The following HNRNPH3 variants were observed in gnomAD, a reference collection of about 807,000 sequenced individuals.
The protein encoded by HNRNPH3 is heterogeneous nuclear ribonucleoprotein 2H9.
A neutral mutation model predicts 47.0 loss-of-function variants in HNRNPH3; 7 were observed. The observed-to-expected ratio is 0.15, with a 90% CI of 0.08 to 0.28. The LOEUF is 0.28. Among genes scored for constraint, HNRNPH3 ranks in the 10% least tolerant of loss-of-function variants. The pLI, the probability that HNRNPH3 is intolerant of heterozygous loss-of-function variation, is 1.00. For synonymous variants in HNRNPH3, 120 were observed against 143.2 expected (o/e 0.84, Z 1.16); for missense variants, 279 against 449.6 (o/e 0.62, Z 3.43).
In HNRNPH3 at chr10:68,341,997, T is replaced by TGGA; in HGVS notation, c.987_989dup (p.Gly330dup). 6.2e-7 allele frequency: 1 copy of TGGA among 1,614,024 alleles called. No homozygotes were observed. Among genetic ancestry groups the TGGA allele is most frequent in the Non-Finnish European group, 8.5e-7 (1 of 1,179,982 alleles). On this transcript the variant is annotated inframe_insertion, in exon 10 of 10. Coordinates refer to ENST00000265866, the MANE Select transcript of HNRNPH3 (RefSeq NM_012207.3). Reference sequence around the variant, plus strand: ...CTTAAGGCCGTGGTGGTGGAGGCAGTGGAGGTTACTATGGGCAAGGCGGCA... The same window carrying TGGA: ...CTTAAGGCCGTGGTGGTGGAGGCAGTGGAGGAGGTTACTATGGGCAAGGCGGCA...
At chr10:68,335,355 G>T (rs1421374447) in intron 1 of HNRNPH3, among the ~76,000 whole-genome samples, 1 of 150,982 alleles carries the variant, frequency 6.6e-6, no homozygotes, top group African/African-American at 2.4e-5. Flanking sequence ...AGTGAGGGTA[G>T]ATCTGTACCA....
intron 4 of HNRNPH3, 71 bp downstream of exon 4, chr10:68,338,758 C>A: frequency 1.6e-6 from 2 of 1,232,568 alleles, no homozygotes; most frequent in Non-Finnish European, 2.2e-6. Flanking sequence ...TCAAGAAATA[C>A]AGAAATGGCA....
chr10:68,338,372 T>TA (rs1354541005), intron 3 of HNRNPH3, 131 bp from the exon 4 acceptor site: 18 of 528,916 alleles, frequency 3.4e-5, no homozygotes, highest in Non-Finnish European at 6.0e-5. Context: ...ACTGTTAACT[T>TA]ACGGTGTATT....
intron 4 of HNRNPH3, 95 bp downstream of exon 4, chr10:68,338,782 C>A: frequency 9.7e-7 from 1 of 1,033,092 alleles, no homozygotes; most frequent in Non-Finnish European, 1.4e-6. Context: ...ATTTCAGTAC[C>A]TATTAGGTTT....
intron 6 of HNRNPH3, among the ~76,000 whole-genome samples, chr10:68,340,057 CAG>C (rs1264347652): frequency 1.3e-5 from 2 of 149,594 alleles, no homozygotes; most frequent in Admixed American, 6.7e-5. Flanking sequence ...TTTTTTGAGA[CAG>C]AGTCTTGCTC....
chr10:68,340,668 T>C (rs2045855147), intron 6 of HNRNPH3, among the ~76,000 whole-genome samples: 1 of 152,226 alleles, frequency 6.6e-6, no homozygotes, highest in African/African-American at 2.4e-5. Context: ...TTAATGATAG[T>C]TTAAAACCTG....
chr10:68,338,793 T>A, intron 4 of HNRNPH3, 106 bp downstream of exon 4: 1 of 881,804 alleles, frequency 1.1e-6, no homozygotes, highest in Middle Eastern at 3.6e-4. Context: ...TATTAGGTTT[T>A]AAAACCTGTT....
At position 68,341,777 on chromosome 10, in the gene HNRNPH3, G is replaced by C; in HGVS notation, c.890G>C (p.Gly297Ala). The change falls in exon 9 of 10, where the codon GGA (glycine) becomes GCA (alanine). Residue 297 changes from glycine (G) to alanine (A), a missense_variant. By Grantham distance (60) the Gly-to-Ala change is moderately conservative (BLOSUM62 0). Around this residue, in one of 2 missense-constraint regions of HNRNPH3, gnomAD observed 239 missense variants for 335.8 expected, o/e 0.71. Coordinates refer to ENST00000265866, the MANE Select transcript of HNRNPH3 (RefSeq NM_012207.3). ...TTTAAAGATAATCAGGGAGGCTATG[G>C]ATCAGTTGGAAGAATGGGAATGGGG... ...RDGMDNQGGYGSVGRMGMGNN... is the reference protein window; with the variant it reads ...RDGMDNQGGYASVGRMGMGNN... 1.2e-6 allele frequency: 2 copies of C among 1,607,930 alleles called. No individual in the cohort carries two copies. The highest frequency in any genetic ancestry group is 1.7e-6 in the Non-Finnish European group (2 of 1,177,626).
In HNRNPH3 at chr10:68,337,480, C is replaced by T. The variant is rs1475983746; in HGVS notation, c.112+147C>T. ...GGTTAATGTATTAAAATAATATGCT[C>T]CAGTTAATATTCAATACAGAATGTG... On this transcript the variant is annotated intron_variant, in intron 2 of 9. Coordinates refer to ENST00000265866, the MANE Select transcript of HNRNPH3 (RefSeq NM_012207.3). This position sits in a 1 kb window ranked among gnomAD's most constrained non-coding sequence, Gnocchi z 4.5. 13 of 593,390 alleles carry T rather than the reference C, an allele frequency of 2.2e-5. No homozygotes were observed. Among genetic ancestry groups the T allele is most frequent in the Non-Finnish European group, 3.6e-5 (12 of 334,454 alleles). The allele number at this position is 593,390 out of a possible 1,614,324, so 36.8% of individuals were successfully genotyped here.
Position 68,337,743 on chromosome 10 carries a change from CTTTTT to C in HNRNPH3, c.113-113_113-109del, listed in dbSNP as rs1213491139. On this transcript the variant is annotated intron_variant, in intron 2 of 9. Transcript: ENST00000265866. This position sits in a 1 kb window ranked among gnomAD's most constrained non-coding sequence, Gnocchi z 4.5. ...TATTATGGGGTGATGGGAAACTAAG[CTTTTT>C]TGTTTTGTTTTGTTTTGTTTAGACT... is the stretch of plus-strand genomic sequence containing the variant. 4 of 458,450 alleles carry C rather than the reference CTTTTT, an allele frequency of 8.7e-6. No homozygotes were observed. The highest frequency in any genetic ancestry group is 6.6e-5 in the African/African-American group (3 of 45,622). 28.4% of individuals were successfully genotyped at this position (458,450 alleles called of 1,614,324 possible).
chr10:68,341,920 T>G (rs983626708), intron 9 of HNRNPH3, 58 bp from the exon 10 acceptor site: 1 of 1,596,606 alleles, frequency 6.3e-7, no homozygotes, highest in Non-Finnish European at 8.6e-7. Flanking sequence ...CAGGTATTAC[T>G]TTTATTATTT....
chr10:68,334,129 G>A (rs567547134), intron 1 of HNRNPH3, among the ~76,000 whole-genome samples: 1 of 152,278 alleles, frequency 6.6e-6, no homozygotes, highest in African/African-American at 2.4e-5. Context: ...TAACATTTTA[G>A]AGACCTTACC....
rs527454265 is a variant in HNRNPH3 at position 68,332,561 on chromosome 10, T to C, written c.-24+345T>C. ...CCGCCCTTCCCCGCTCTTTTTACTT[T>C]TTTGTTCCCCAGCTTCCGAAAACTG... On this transcript the variant is annotated intron_variant, in intron 1 of 9. Transcript: ENST00000265866. 2.6e-4 allele frequency among the ~76,000 whole-genome samples: 40 copies of C among 152,266 alleles called. No homozygotes were observed. In the East Asian group the frequency reaches 7.7e-3, roughly 29 times the overall value.
In HNRNPH3 at chr10:68,338,526, G is replaced by A. The variant is rs2045653991; in HGVS notation, c.275G>A (p.Ser92Asn). ...AGGTATATTGAGATCTTCAGAAGTA[G>A]CAGGAGTGAAATCAAAGGATTTTAT... ...GHRYIEIFRSSRSEIKGFYDP... is the reference protein window; with the variant it reads ...GHRYIEIFRSNRSEIKGFYDP... Residue 92 changes from serine to asparagine, a missense_variant, in exon 4 of 10, where the codon AGC becomes AAC. By Grantham distance (46) the Ser-to-Asn change is conservative. Transcript: ENST00000265866. The A allele has an allele frequency of 6.2e-7, 1 of 1,610,816 alleles. No homozygotes were observed. Among genetic ancestry groups the A allele is most frequent in the South Asian group, 1.1e-5 (1 of 90,916 alleles).
chr10:68,338,462 C>A, intron 3 of HNRNPH3, 41 bp from the exon 4 acceptor site: 7 of 1,338,252 alleles, frequency 5.2e-6, no homozygotes, highest in Non-Finnish European at 6.3e-6. Context: ...TACACTAATA[C>A]ATTTATGCTG....
rs767029982 is a variant in HNRNPH3, at chr10:68,341,691, T to C, written c.871+11T>C. The C allele has an allele frequency of 6.2e-7, 1 of 1,606,138 alleles. No individual in the cohort carries two copies. The highest frequency in any genetic ancestry group is 1.3e-5 in the African/African-American group (1 of 74,562). On this transcript the variant is annotated intron_variant, in intron 8 of 9. Coordinates refer to ENST00000265866, the MANE Select transcript of HNRNPH3 (RefSeq NM_012207.3). ...GAAGAGATGGAATGGGTATGTAAAG[T>C]TTTTAAAATATGCAGGGTTAGCTGC... is the stretch of plus-strand genomic sequence containing the variant.
chr10:68,339,165 T>G lies in HNRNPH3; in HGVS notation c.462T>G (p.Gly154=). Residue 154 remains glycine, a synonymous_variant, in exon 5 of 10, where the codon GGT becomes GGG. Transcript: ENST00000265866. ...GTTATGGAGGTTTTGATGACTATGG[T>G]GGCTATAATAATTACGGCTATGGGA... ...DGGYGGFDDY[G]GYNNYGYGND... 6.2e-7 allele frequency: 1 copy of G among 1,610,502 alleles called. No homozygotes were observed. The highest frequency in any genetic ancestry group is 8.5e-7 in the Non-Finnish European group (1 of 1,176,804).
intron 1 of HNRNPH3, chr10:68,332,846 TGG>T (rs1564746429): frequency 6.6e-6 from 1 of 152,256 alleles, no homozygotes; most frequent in South Asian, 2.1e-4. Context: ...AGGCTGGAGC[TGG>T]GGGAGGAAAG....
At chr10:68,331,784 TG>T (rs1278694577), upstream of HNRNPH3, 1 of 152,316 alleles carries the variant, frequency 6.6e-6, no homozygotes, top group Admixed American at 6.5e-5. Flanking sequence ...GAACTGCCAT[TG>T]CCATCGCCCC....
Sources: allele counts gnomAD v4.1 joint callset (sites outside exome capture counted in the v4.1 genomes callset), GRCh38; gene constraint gnomAD v4.1.1; regional missense constraint gnomAD v4.1.1; non-coding constraint Gnocchi (gnomAD v3.1); transcripts MANE v1.5; gene names NCBI Gene and HGNC (gene_info 2026-07-23, HGNC 2026-07-21).